TBC1D5: variants seen among roughly 807,000 people sequenced by gnomAD.
The protein encoded by TBC1D5 is TBC1 domain family member 5, also known as TBC1 domain family, member 5.
In TBC1D5, 75 loss-of-function variants were observed where a neutral mutation model predicts 100.3. The ratio of observed to expected loss-of-function variants is 0.75; its 90% CI spans 0.62 to 0.91. The LOEUF is 0.91. Among genes scored for constraint, TBC1D5 ranks in the 40% least tolerant of loss-of-function variants. The pLI, the probability that TBC1D5 is intolerant of heterozygous loss-of-function variation, is 0.00. For synonymous variants in TBC1D5, 323 were observed against 325.6 expected, an observed-to-expected ratio of 0.99 and a Z score of 0.09; for missense variants, 910 against 942.4, an observed-to-expected ratio of 0.97 and a Z score of 0.45.
intron 1 of TBC1D5, among the ~76,000 whole-genome samples, chr3:17,700,206 C>G (rs34002492): frequency 0.5 from 75,651 of 151,292 alleles, 20,434 homozygotes; most frequent in East Asian, 0.94. Flanking sequence ...TTTGACAAAC[C>G]TGACAAAAAC....
chr3:17,174,890 C>T (rs2067555762), intron 19 of TBC1D5, among the ~76,000 whole-genome samples: 1 of 152,162 alleles, frequency 6.6e-6, no homozygotes, highest in Non-Finnish European at 1.5e-5. Flanking sequence ...CCATGCCCAG[C>T]CAGAACTGTT....
chr3:17,298,525 C>G (rs995702279), intron 14 of TBC1D5, among the ~76,000 whole-genome samples: 1 of 152,118 alleles, frequency 6.6e-6, no homozygotes, highest in African/African-American at 2.4e-5. Context: ...CAAACAAAGG[C>G]AGACACTGAG....
intron 15 of TBC1D5, among the ~76,000 whole-genome samples, chr3:17,261,285 A>T (rs1039341426): frequency 6.6e-6 from 1 of 152,230 alleles, no homozygotes; most frequent in African/African-American, 2.4e-5. Context: ...AATTGAAACT[A>T]GGTAACAGGT....
At chr3:17,430,288 A>T (rs542183220) in intron 3 of TBC1D5, among the ~76,000 whole-genome samples, 203 of 151,892 alleles carry the variant, frequency 1.3e-3, no homozygotes, top group Non-Finnish European at 2.4e-3. Flanking sequence ...TTCTCGTTAA[A>T]ACTAAAGATT....
intron 1 of TBC1D5, among the ~76,000 whole-genome samples, chr3:17,672,018 C>T (rs766950622): frequency 6.6e-5 from 10 of 152,154 alleles, no homozygotes; most frequent in Non-Finnish European, 1.5e-4. Flanking sequence ...AACTGATAGT[C>T]TAACATTCGG....
At position 17,621,499 on chromosome 3, in the gene TBC1D5, G is replaced by A. The variant is rs577717801; in HGVS notation, c.-36+2350C>T. Among the ~76,000 whole-genome samples the A allele has an allele frequency of 3.3e-5, 5 of 152,290 alleles. No individual in the cohort carries two copies. The East Asian group carries it at 9.6e-4, about 29-fold the overall frequency. On this transcript the variant is annotated intron_variant, in intron 2 of 21. Coordinates refer to ENST00000253692, the Ensembl canonical transcript of TBC1D5. Reference sequence around the variant, plus strand: ...TTAAGGAAGCACTGAAATATGTGATGGAGGACTGTCATGCACTTCAACTAA... The same window carrying A: ...TTAAGGAAGCACTGAAATATGTGATAGAGGACTGTCATGCACTTCAACTAA...
chr3:17,524,313 G>T (rs1251794272), intron 2 of TBC1D5, among the ~76,000 whole-genome samples: 1 of 152,178 alleles, frequency 6.6e-6, no homozygotes, highest in African/African-American at 2.4e-5. Flanking sequence ...TAGGCATTTT[G>T]ATGCTAATGA....
Position 17,482,011 on chromosome 3 carries a change from G to A in TBC1D5, c.97+26463C>T, listed in dbSNP as rs372111644. Among the ~76,000 whole-genome samples, 156 of 152,296 alleles carry A rather than the reference G, an allele frequency of 1.0e-3. 2 individuals carry two copies. The South Asian group carries it at 0.018, about 18-fold the overall frequency. On this transcript the variant is annotated intron_variant, in intron 3 of 21. Coordinates refer to ENST00000253692, the Ensembl canonical transcript of TBC1D5. ...CAGCCTTGGCTTCCCAAAGTGCTGGGATTACAGGCATGGGCCACCGCGCCT... is the reference window on the plus strand; with the variant it reads ...CAGCCTTGGCTTCCCAAAGTGCTGGAATTACAGGCATGGGCCACCGCGCCT...
chr3:17,695,282 A>G (rs909893172), intron 1 of TBC1D5, among the ~76,000 whole-genome samples: 3 of 152,242 alleles, frequency 2.0e-5, no homozygotes, highest in Non-Finnish European at 4.4e-5. Flanking sequence ...AAATGCCCCA[A>G]TTAAAAGACG....
intron 15 of TBC1D5, among the ~76,000 whole-genome samples, chr3:17,283,600 G>A (rs564605509): frequency 5.9e-5 from 9 of 152,110 alleles, no homozygotes; most frequent in Non-Finnish European, 1.2e-4. Flanking sequence ...GTGAGTGAGT[G>A]TGCTTACCAA....
At chr3:17,554,101 A>C (rs1212773100) in intron 2 of TBC1D5, among the ~76,000 whole-genome samples, 2 of 152,216 alleles carry the variant, frequency 1.3e-5, no homozygotes, top group African/African-American at 4.8e-5. Context: ...AGGACATATA[A>C]GATAGAATCC....
chr3:17,322,623 C>G (rs1318048277), intron 13 of TBC1D5, among the ~76,000 whole-genome samples: 1 of 152,176 alleles, frequency 6.6e-6, no homozygotes, highest in African/African-American at 2.4e-5. Flanking sequence ...GACGCAGACT[C>G]AAGGCCGAGG....
chr3:17,385,645 T>C (rs1479100984), intron 8 of TBC1D5, among the ~76,000 whole-genome samples: 1 of 152,106 alleles, frequency 6.6e-6, no homozygotes, highest in Admixed American at 6.6e-5. Flanking sequence ...CATTTGACTT[T>C]TGCTTACAAC....
chr3:17,639,693 G>A (rs567649758), intron 1 of TBC1D5, among the ~76,000 whole-genome samples: 6 of 152,180 alleles, frequency 3.9e-5, no homozygotes, highest in South Asian at 4.1e-4. Flanking sequence ...GTCTGAGTAC[G>A]CTTTGAAGGT....
At chr3:17,699,083 C>A (rs1418851276) in intron 1 of TBC1D5, among the ~76,000 whole-genome samples, 1 of 151,242 alleles carries the variant, frequency 6.6e-6, no homozygotes, top group African/African-American at 2.4e-5. Flanking sequence ...GCTATAAAGA[C>A]ACATGCCCAC....
At chr3:17,303,441 A>G (rs577267110) in intron 14 of TBC1D5, among the ~76,000 whole-genome samples, 25 of 152,228 alleles carry the variant, frequency 1.6e-4, no homozygotes, top group African/African-American at 3.6e-4. Flanking sequence ...CATTTATTTG[A>G]GGCTATGGTG....
At chr3:17,473,761 T>C (rs1410914076) in intron 3 of TBC1D5, among the ~76,000 whole-genome samples, 3 of 152,230 alleles carry the variant, frequency 2.0e-5, no homozygotes, top group Admixed American at 2.0e-4. Flanking sequence ...TGAAGTGTTT[T>C]TTAAAAGTAA....
intron 13 of TBC1D5, among the ~76,000 whole-genome samples, chr3:17,367,311 G>A (rs2092206095): frequency 6.6e-6 from 1 of 152,116 alleles, no homozygotes; most frequent in Non-Finnish European, 1.5e-5. Context: ...TGTGATCAGT[G>A]ATAGAATTGT....
Position 17,328,018 on chromosome 3 carries a change from C to T in TBC1D5, c.996-19884G>A, listed in dbSNP as rs147512562. The stretch of plus-strand genomic sequence containing the variant: ...GCATGGTGGCTAACACCTGTAATTC[C>T]AGCACTTTTGAGAGGCCAAGATGGG... On this transcript the variant is annotated intron_variant, in intron 13 of 21. Transcript: ENST00000253692. Among the ~76,000 whole-genome samples the T allele has an allele frequency of 5.3e-5, 8 of 152,206 alleles. No homozygotes were observed. The East Asian group carries it at 1.4e-3, about 26-fold the overall frequency.
Sources: allele counts gnomAD v4.1 joint callset (sites outside exome capture counted in the v4.1 genomes callset), GRCh38; gene constraint gnomAD v4.1.1; transcripts MANE v1.5; gene names NCBI Gene and HGNC (gene_info 2026-07-23, HGNC 2026-07-21).